The following SGCB variants were observed in gnomAD, a reference collection of about 807,000 sequenced individuals.
SGCB encodes the protein sarcoglycan beta.
SGCB carries 25 observed loss-of-function variants against 27.3 expected under a neutral mutation model. The ratio of observed to expected loss-of-function variants is 0.92; its 90% confidence interval spans 0.67 to 1.28. SGCB has a LOEUF of 1.28. Among genes scored for constraint, SGCB ranks in the 50% most tolerant of loss-of-function variants. SGCB has a pLI of 0.00. For synonymous variants in SGCB, 147 were observed against 133.5 expected (o/e 1.10, Z -0.70); for missense variants, 436 against 402.1 (o/e 1.08, Z -0.72).
In SGCB at chr4:52,028,833, G is replaced by A. The variant is rs779541821; in HGVS notation, c.518C>T (p.Pro173Leu). The change falls in exon 4 of 6, where the codon CCG becomes CTG. Residue 173 changes from proline to leucine, a missense_variant. Coordinates refer to ENST00000381431, the MANE Select transcript of SGCB (RefSeq NM_000232.5). ...TSDIGMQFFD[P>L]RTQNILFSTD... ...GCTGAATAAGATATTTTGAGTCCTCGGGTCAAAAAACTGCATGCCGATGTC... is the reference window on the plus strand; with the variant it reads ...GCTGAATAAGATATTTTGAGTCCTCAGGTCAAAAAACTGCATGCCGATGTC... 1.1e-5 allele frequency: 17 copies of A among 1,613,322 alleles called. No homozygotes were observed. Among genetic ancestry groups the A allele is most frequent in the Non-Finnish European group, 1.4e-5 (17 of 1,179,486 alleles).
At chr4:52,034,893 A>G (rs1307276650) in intron 1 of SGCB, among the ~76,000 whole-genome samples, 8 of 152,170 alleles carry the variant, frequency 5.3e-5, no homozygotes, top group African/African-American at 1.9e-4. Context: ...TGGCATCATC[A>G]CTCAACAGAA....
In SGCB at chr4:52,029,781, C is replaced by G. The variant is rs1369411627; in HGVS notation, c.326G>C (p.Arg109Pro). The G allele has an allele frequency of 6.2e-7, 1 of 1,612,956 alleles. No individual in the cohort carries two copies. The highest frequency in any genetic ancestry group is 1.3e-5 in the African/African-American group (1 of 74,948). Residue 109 changes from arginine (R) to proline (P), a missense_variant, in exon 3 of 6, where the codon CGA becomes CCA. Transcript: ENST00000381431. ...TCCCATGTCAGATACTTGCTTAAAT[C>G]GAAGCAGGCCACTTTCATGAAACTC... ...SMEFHESGLLRFKQVSDMGVI... is the reference protein window; with the variant it reads ...SMEFHESGLLPFKQVSDMGVI...
At position 52,022,059 on chromosome 4, in the gene SGCB, C is replaced by A. The variant is rs1736964514; in HGVS notation, c.*1898G>T. On this transcript the variant is annotated 3_prime_UTR_variant, in exon 6 of 6. Transcript: ENST00000381431. ...TGAATATGCAATTTAATTTATGGAC[C>A]ATCTGAATAAAAATTTCGGCATTTT... is the stretch of plus-strand genomic sequence containing the variant. The A allele has an allele frequency of 6.6e-6, 1 of 152,034 alleles. No individual in the cohort carries two copies. Among genetic ancestry groups the A allele is most frequent in the African/African-American group, 2.4e-5 (1 of 41,438 alleles). The allele number at this position is 152,034 out of a possible 1,614,324, so 9.4% of individuals were successfully genotyped here.
chr4:52,024,442 A>T (rs1021430924), intron 5 of SGCB, among the ~76,000 whole-genome samples: 2 of 152,172 alleles, frequency 1.3e-5, no homozygotes, highest in African/African-American at 4.8e-5. Flanking sequence ...AATAAAATTG[A>T]TGTTGATAAA....
chr4:52,024,048 A>G lies in SGCB; in HGVS notation c.866T>C (p.Met289Thr), dbSNP rs1441035912. 1 of 1,614,172 alleles carries G rather than the reference A, an allele frequency of 6.2e-7. No homozygotes were observed. Among genetic ancestry groups the G allele is most frequent in the South Asian group, 1.1e-5 (1 of 91,082 alleles). The stretch of plus-strand genomic sequence containing the variant: ...CTTGAAGAGCGTCCCATCAGCACAC[A>G]TGCAGAGCTTGTAGCGTACCCAGTC... ...SGDWVRYKLC[M>T]CADGTLFKVQ... Residue 289 changes from methionine (M) to threonine (T), a missense_variant, in exon 6 of 6, where the codon ATG becomes ACG. By Grantham distance (81) the Met-to-Thr change is moderately conservative. Coordinates refer to ENST00000381431, the MANE Select transcript of SGCB (RefSeq NM_000232.5).
chr4:52,038,145 G>A (rs1226240771), intron 1 of SGCB, 82 bp downstream of exon 1: 8 of 921,600 alleles, frequency 8.7e-6, no homozygotes, highest in Admixed American at 1.7e-4. Flanking sequence ...CCGCACCCCC[G>A]GCCAGGGCTC....
chr4:52,024,110 T>G lies in SGCB; in HGVS notation c.804A>C (p.Leu268=), dbSNP rs1737023796. Residue 268 remains leucine (L), a synonymous_variant, in exon 6 of 6, where the codon CTA becomes CTC. Coordinates refer to ENST00000381431, the MANE Select transcript of SGCB (RefSeq NM_000232.5). ...NGSVMVSTTR[L]PSSSSGDQLG... is the part of the protein sequence containing the mutation. ...ACTGGTCTCCACTGGAGGAACTGGG[T>G]AGGCGGGTGGTGCTGACCATCACAG... is the stretch of plus-strand genomic sequence containing the variant. The G allele has an allele frequency of 6.2e-7, 1 of 1,614,122 alleles. No individual in the cohort carries two copies. Among genetic ancestry groups the G allele is most frequent in the Non-Finnish European group, 8.5e-7 (1 of 1,180,018 alleles).
intron 5 of SGCB, 44 bp from the exon 6 acceptor site, chr4:52,024,204 G>T (rs1002935746): frequency 6.8e-7 from 1 of 1,474,232 alleles, no homozygotes. Context: ...TCCATGAGGG[G>T]GTACAGAACA....
chr4:52,028,585 G>T (rs1374723812), intron 4 of SGCB, 145 bp downstream of exon 4: 2 of 614,034 alleles, frequency 3.3e-6, no homozygotes, highest in East Asian at 6.1e-5. Context: ...GCAGTGAGTC[G>T]AGATCGCGCC....
In SGCB at chr4:52,022,809, C is replaced by A. The variant is rs1736989255; in HGVS notation, c.*1148G>T. On this transcript the variant is annotated 3_prime_UTR_variant, in exon 6 of 6. Transcript: ENST00000381431. ...TGTGCCAAGGTCCATTGTTGGGAAACTGAGGTAACTCAGAAGTAGGTAAAT... is the reference window on the plus strand; with the variant it reads ...TGTGCCAAGGTCCATTGTTGGGAAAATGAGGTAACTCAGAAGTAGGTAAAT... The A allele has an allele frequency of 2.6e-5, 4 of 152,158 alleles. No individual in the cohort carries two copies. Among genetic ancestry groups the A allele is most frequent in the Admixed American group, 6.5e-5 (1 of 15,274 alleles). The allele number at this position is 152,158 out of a possible 1,614,324, so 9.4% of individuals were successfully genotyped here.
At chr4:52,026,303 GGCTGGAGTGCAGTGGCGC>G (rs558395865) in intron 5 of SGCB, among the ~76,000 whole-genome samples, 80 of 128,486 alleles carry the variant, frequency 6.2e-4, no homozygotes, top group Middle Eastern at 0.012. Flanking sequence ...CTGTCTCCCA[GGCTGGAGTGCAGTGGCGC>G]GATCTGGGTT....
In SGCB at chr4:52,038,284, CTCCCCGCCCGACTG is replaced by C. The variant is rs1737458517; in HGVS notation, c.-39_-26del. 1 of 1,291,038 alleles carries C rather than the reference CTCCCCGCCCGACTG, an allele frequency of 7.7e-7. No individual in the cohort carries two copies. Among genetic ancestry groups the C allele is most frequent in the Admixed American group, 3.1e-5 (1 of 31,878 alleles). The allele number at this position is 1,291,038 out of a possible 1,614,324, so 80.0% of individuals were successfully genotyped here. A position where few individuals can be genotyped will look rare whatever the true frequency, so the allele number is the denominator to read the frequency against. ...TCTTCCCGCGCCCGCCGCCGCCGAG[CTCCCCGCCCGACTG>C]TGCCCGCCCCTCCGCGACCGCACCC... On this transcript the variant is annotated 5_prime_UTR_variant, in exon 1 of 6. Coordinates refer to ENST00000381431, the MANE Select transcript of SGCB (RefSeq NM_000232.5).
chr4:52,023,067 T>C lies in SGCB; in HGVS notation c.*890A>G, dbSNP rs1015679848. On this transcript the variant is annotated 3_prime_UTR_variant, in exon 6 of 6. Transcript: ENST00000381431. ...GCAGAGAGTGAAAACAACATGGCAT[T>C]TGGAATCAAGTACATCCAGGTTTGA... The C allele has an allele frequency of 6.6e-6, 1 of 152,206 alleles. No homozygotes were observed. Among genetic ancestry groups the C allele is most frequent in the Middle Eastern group, 3.2e-3 (1 of 316 alleles). The allele number at this position is 152,206 out of a possible 1,614,324, so 9.4% of individuals were successfully genotyped here.
rs1736934453 is a variant in SGCB at position 52,020,993 on chromosome 4, A to G, written c.*2964T>C. On this transcript the variant is annotated 3_prime_UTR_variant, in exon 6 of 6. Transcript: ENST00000381431. Reference sequence around the variant, plus strand: ...CCTTTCATCATCAAAATTATCACACAAAATTTATTTTGTTTTTTTCACAAT... The same window carrying G: ...CCTTTCATCATCAAAATTATCACACGAAATTTATTTTGTTTTTTTCACAAT... 6.6e-6 allele frequency: 1 copy of G among 152,246 alleles called. No homozygotes were observed. The highest frequency in any genetic ancestry group is 2.4e-5 in the African/African-American group (1 of 41,464). 9.4% of individuals were successfully genotyped at this position (152,246 alleles called of 1,614,324 possible). A position where few individuals can be genotyped will look rare whatever the true frequency, so the allele number is the denominator to read the frequency against.
At chr4:52,033,777 T>TG in intron 1 of SGCB, 137 bp from the exon 2 acceptor site, 5 of 726,130 alleles carry the variant, frequency 6.9e-6, no homozygotes, top group Non-Finnish European at 1.2e-5. Flanking sequence ...GCAAATCACA[T>TG]TGAGTTGCAG....
intron 5 of SGCB, among the ~76,000 whole-genome samples, chr4:52,025,383 A>G (rs764113405): frequency 5.9e-5 from 9 of 152,114 alleles, no homozygotes; most frequent in Non-Finnish European, 1.3e-4. Context: ...CAGAAACTAG[A>G]GGAAGTGAGG....
At chr4:52,027,209 T>C (rs1263505677) in intron 5 of SGCB, among the ~76,000 whole-genome samples, 4 of 152,168 alleles carry the variant, frequency 2.6e-5, no homozygotes, top group Admixed American at 6.5e-5. Context: ...TTTAATTAAA[T>C]AGCATATTGC....
At chr4:52,038,149 A>G (rs1283703356) in intron 1 of SGCB, 78 bp downstream of exon 1, 5 of 990,342 alleles carry the variant, frequency 5.0e-6, no homozygotes, top group Non-Finnish European at 3.5e-6. Flanking sequence ...ACCCCCGGCC[A>G]GGGCTCCCGC....
chr4:52,028,017 A>G lies in SGCB; in HGVS notation c.704T>C (p.Met235Thr). ...IVRGNEGVFI[M>T]GKTIEFHMGG... ...CATGTGAAATTCAATGGTTTTGCCC[A>G]TAATGAATACACCTTCATTTCCACG... The change falls in exon 5 of 6, where the codon ATG becomes ACG. Residue 235 changes from methionine (M) to threonine (T), a missense_variant. By Grantham distance (81) the Met-to-Thr change is moderately conservative. Coordinates refer to ENST00000381431, the MANE Select transcript of SGCB (RefSeq NM_000232.5). 6.2e-7 allele frequency: 1 copy of G among 1,613,306 alleles called. No individual in the cohort carries two copies. The highest frequency in any genetic ancestry group is 2.2e-5 in the East Asian group (1 of 44,842).
Sources: allele counts gnomAD v4.1 joint callset (sites outside exome capture counted in the v4.1 genomes callset), GRCh38; gene constraint gnomAD v4.1.1; transcripts MANE v1.5; gene names NCBI Gene and HGNC (gene_info 2026-07-23, HGNC 2026-07-21).